Variants in RGS12 observed in about 807,000 individuals in gnomAD.
RGS12 encodes the protein regulator of G-protein signaling 12.
In RGS12, 66 loss-of-function variants were observed where a neutral mutation model predicts 120.1. The ratio of observed to expected loss-of-function variants is 0.55; its 90% CI spans 0.45 to 0.67. RGS12 has a LOEUF of 0.67. Among genes scored for constraint, RGS12 ranks in the 30% least tolerant of loss-of-function variants. The pLI, the probability that RGS12 is intolerant of heterozygous loss-of-function variation, is 0.00. For missense variants in RGS12, 1,859 were observed against 1,957.7 expected, an observed-to-expected ratio of 0.95 and a Z score of 0.95; for synonymous variants, 827 against 804.7, an observed-to-expected ratio of 1.03 and a Z score of -0.47.
intron 14 of RGS12, 90 bp from the exon 15 acceptor site, chr4:3,428,000 T>A: frequency 8.1e-7 from 1 of 1,239,342 alleles, no homozygotes; most frequent in Non-Finnish European, 1.2e-6. Context: ...CTCTACAGCT[T>A]TGCTCTCAGA....
At chr4:3,342,810 T>A in intron 2 of RGS12, 127 bp from the exon 3 acceptor site, 1 of 772,992 alleles carries the variant, frequency 1.3e-6, no homozygotes, top group Non-Finnish European at 2.2e-6. Flanking sequence ...GGATGACTTT[T>A]AAATCTCTCT....
intron 9 of RGS12, chr4:3,418,691 GT>G (rs1327824061): frequency 6.6e-6 from 1 of 152,306 alleles, no homozygotes; most frequent in African/African-American, 2.4e-5. Context: ...TGGCCATGCT[GT>G]GAGGTGCTCT....
intron 1 of RGS12, among the ~76,000 whole-genome samples, chr4:3,305,565 C>G (rs1295964615): frequency 1.3e-5 from 2 of 152,210 alleles, no homozygotes; most frequent in African/African-American, 4.8e-5. Context: ...CAACCACAGC[C>G]ACGGTGCCAT....
At chr4:3,386,488 A>G (rs748543690) in intron 4 of RGS12, 51 bp downstream of exon 4, 7 of 1,516,714 alleles carry the variant, frequency 4.6e-6, no homozygotes, top group Non-Finnish European at 6.4e-6. Context: ...TAAAGTTTTC[A>G]AATTGTGAAA....
At chr4:3,391,076 C>G (rs1719443470) in intron 4 of RGS12, among the ~76,000 whole-genome samples, 2 of 152,242 alleles carry the variant, frequency 1.3e-5, no homozygotes, top group Non-Finnish European at 2.9e-5. Context: ...ATAGCAGAAA[C>G]AGAATGTTAA....
intron 3 of RGS12, among the ~76,000 whole-genome samples, chr4:3,344,967 C>G (rs1300275200): frequency 6.6e-6 from 1 of 152,176 alleles, no homozygotes; most frequent in East Asian, 1.9e-4. Context: ...AGCCCATCGT[C>G]CTGAATAACA....
At position 3,416,097 on chromosome 4, in the gene RGS12, C is replaced by T. The variant is rs570094993; in HGVS notation, c.2403C>T (p.Asp801=). 19 of 1,614,120 alleles carry T rather than the reference C, an allele frequency of 1.2e-5. No individual in the cohort carries two copies. In the East Asian group the frequency reaches 4.0e-4, roughly 34 times the overall value. ...ACGTCCTCCGCGCACCTCACCCAGA[C>T]ATGTTCAAGGAGCAGCAGCTGCAGG... ...ADDVLRAPHP[D]MFKEQQLQIF... Residue 801 remains aspartate (D), a synonymous_variant, in exon 7 of 18, where the codon GAC becomes GAT. Coordinates refer to ENST00000336727, the MANE Select transcript of RGS12 (RefSeq NM_001394154.1).
At position 3,316,695 on chromosome 4, in the gene RGS12, C is replaced by T. The variant is rs371427732; in HGVS notation, c.525C>T (p.Ala175=). 2.2e-5 allele frequency: 36 copies of T among 1,614,088 alleles called. No homozygotes were observed. The highest frequency in any genetic ancestry group is 1.4e-4 in the South Asian group (13 of 91,078). The change falls in exon 2 of 18, where the codon GCC becomes GCT. Residue 175 remains alanine, a synonymous_variant. Transcript: ENST00000336727. ...KLKQRSLSES[A]ATRFDVGHES... is the part of the protein sequence containing the mutation. ...AACAAAGATCCCTTTCAGAGTCGGCCGCAACTCGATTTGATGTTGGACATG... is the reference window on the plus strand; with the variant it reads ...AACAAAGATCCCTTTCAGAGTCGGCTGCAACTCGATTTGATGTTGGACATG...
intron 2 of RGS12, among the ~76,000 whole-genome samples, chr4:3,335,682 A>G (rs1309715337): frequency 2.0e-5 from 3 of 152,148 alleles, no homozygotes; most frequent in Non-Finnish European, 4.4e-5. Flanking sequence ...GCCATGGCTC[A>G]CACCTGTAAT....
chr4:3,414,593 G>T, intron 5 of RGS12, 159 bp from the exon 6 acceptor site: 1 of 636,350 alleles, frequency 1.6e-6, no homozygotes. Flanking sequence ...AAGCAGCAGT[G>T]CGGTTCCCTA....
chr4:3,298,691 G>T (rs1723515539), intron 1 of RGS12, among the ~76,000 whole-genome samples: 1 of 152,116 alleles, frequency 6.6e-6, no homozygotes. Flanking sequence ...TCTTAGGAGG[G>T]TTTGCTTTGT....
chr4:3,342,928 C>A lies in RGS12; in HGVS notation c.1882-9C>A. 6.3e-7 allele frequency: 1 copy of A among 1,592,120 alleles called. No homozygotes were observed. Among genetic ancestry groups the A allele is most frequent in the Non-Finnish European group, 8.6e-7 (1 of 1,162,180 alleles). On this transcript the variant is annotated splice_polypyrimidine_tract_variant and intron_variant, in intron 2 of 17. Transcript: ENST00000336727. Reference sequence around the variant, plus strand: ...AGAATAACCTGATGCCTTTTTTCTTCGTGTTTAGGGCTCAAAATTTGGGCG... The same window carrying A: ...AGAATAACCTGATGCCTTTTTTCTTAGTGTTTAGGGCTCAAAATTTGGGCG...
At chr4:3,392,113 T>C (rs1199363337) in intron 4 of RGS12, among the ~76,000 whole-genome samples, 1 of 152,052 alleles carries the variant, frequency 6.6e-6, no homozygotes, top group Non-Finnish European at 1.5e-5. Flanking sequence ...AAGGAAAAGG[T>C]CTAGAAGTAG....
At chr4:3,336,956 A>G (rs781581154) in intron 2 of RGS12, among the ~76,000 whole-genome samples, 1 of 151,566 alleles carries the variant, frequency 6.6e-6, no homozygotes, top group Non-Finnish European at 1.5e-5. Context: ...AAATTAAAAT[A>G]AAAAAAAATG....
upstream of RGS12, among the ~76,000 whole-genome samples, chr4:3,289,713 A>G (rs1334922501): frequency 6.6e-6 from 1 of 152,100 alleles, no homozygotes; most frequent in Non-Finnish European, 1.5e-5. Flanking sequence ...TTTCAAGGGT[A>G]CATTATTATT....
chr4:3,423,640 TG>T lies in RGS12; in HGVS notation c.3234+1del, dbSNP rs747611702. On this transcript the variant is annotated frameshift_variant and splice_region_variant, in exon 13 of 18. Transcript: ENST00000336727. LOFTEE classifies it high-confidence loss of function. The part of the protein sequence containing the change: ...GLDLSGLLVR[L>X]SGEKEPLDLG... ...GACCTCAGTGGCCTGCTGGTGAGGC[TG>T]GTGAGTGTTGCACGGGGCCCGGGCG... The T allele has an allele frequency of 6.2e-7, 1 of 1,606,306 alleles. No individual in the cohort carries two copies. The highest frequency in any genetic ancestry group is 8.5e-7 in the Non-Finnish European group (1 of 1,178,980).
At chr4:3,422,758 G>T in intron 11 of RGS12, 147 bp from the exon 12 acceptor site, 2 of 953,274 alleles carry the variant, frequency 2.1e-6, no homozygotes, top group Non-Finnish European at 3.2e-6. Flanking sequence ...GTGCTGGGTT[G>T]GTGTGGAAAG....
intron 3 of RGS12, among the ~76,000 whole-genome samples, chr4:3,384,124 C>T (rs1310090876): frequency 6.6e-6 from 1 of 152,112 alleles, no homozygotes; most frequent in Non-Finnish European, 1.5e-5. Flanking sequence ...GGATTTTCTT[C>T]TCATAATCTC....
intron 1 of RGS12, among the ~76,000 whole-genome samples, chr4:3,307,532 C>A (rs916983893): frequency 1.3e-5 from 2 of 152,256 alleles, no homozygotes; most frequent in Non-Finnish European, 2.9e-5. Flanking sequence ...AGAAAACATG[C>A]ACAGAAATAA....
Sources: allele counts gnomAD v4.1 joint callset (sites outside exome capture counted in the v4.1 genomes callset), GRCh38; gene constraint gnomAD v4.1.1; transcripts MANE v1.5; gene names NCBI Gene and HGNC (gene_info 2026-07-23, HGNC 2026-07-21).